STOX1: variants seen among roughly 807,000 people sequenced by gnomAD.
STOX1 encodes storkhead box 1.
Under a neutral mutation model 74.8 loss-of-function variants are expected in STOX1, and 57 were observed. The observed-to-expected ratio is 0.76, with a 90% CI of 0.62 to 0.95. STOX1 has a LOEUF of 0.95. Among genes scored for constraint, STOX1 ranks in the 40% least tolerant of loss-of-function variants. The probability of loss-of-function intolerance (pLI) is 0.00; values close to 1 mark genes in which losing one functional copy is unlikely to be tolerated. For synonymous variants in STOX1, 375 were observed against 401.3 expected, an observed-to-expected ratio of 0.93 and a Z score of 0.78; for missense variants, 1,010 against 1,117.0, an observed-to-expected ratio of 0.90 and a Z score of 1.37.
In STOX1 at chr10:68,846,119, T is replaced by A. The variant is rs865860782; in HGVS notation, c.310+18186T>A. On this transcript the variant is annotated intron_variant, in intron 1 of 3. Coordinates refer to ENST00000298596, the MANE Select transcript of STOX1 (RefSeq NM_152709.5). Reference sequence around the variant, plus strand: ...GTGGTACAAGTTATGGCTTGAGGTTTTTATTATTATTATTATTATTATTAT... The same window carrying A: ...GTGGTACAAGTTATGGCTTGAGGTTATTATTATTATTATTATTATTATTAT... 7.3e-4 allele frequency among the ~76,000 whole-genome samples: 99 copies of A among 135,838 alleles called. 1 individual carries two copies. Among genetic ancestry groups the A allele is most frequent in the Middle Eastern group, 3.8e-3 (1 of 260 alleles). The allele number at this position is 135,838 out of a possible 152,430, so 89.1% of individuals were successfully genotyped here. A position where few individuals can be genotyped will look rare whatever the true frequency, so the allele number is the denominator to read the frequency against.
chr10:68,863,060 A>G (rs747113057), intron 1 of STOX1, among the ~76,000 whole-genome samples: 38 of 152,076 alleles, frequency 2.5e-4, no homozygotes, highest in Non-Finnish European at 5.4e-4. Context: ...TTTCCCAAAC[A>G]GATAGGCCGA....
At chr10:68,846,116 G>GTTTTTT (rs869245499) in intron 1 of STOX1, among the ~76,000 whole-genome samples, 65 of 93,798 alleles carry the variant, frequency 6.9e-4, no homozygotes, top group Admixed American at 2.1e-3. Context: ...ATGGCTTGAG[G>GTTTTTT]TTTTTATTAT....
chr10:68,830,417 A>G (rs1222670582), intron 1 of STOX1, among the ~76,000 whole-genome samples: 4 of 152,094 alleles, frequency 2.6e-5, no homozygotes, highest in Non-Finnish European at 5.9e-5. Context: ...ATCTTGGCTC[A>G]CTGCAACCTC....
Position 68,827,551 on chromosome 10 carries a change from C to T in STOX1, c.-73C>T. 2.0e-6 allele frequency: 2 copies of T among 1,011,586 alleles called. No individual in the cohort carries two copies. The highest frequency in any genetic ancestry group is 2.4e-6 in the Non-Finnish European group (2 of 826,654). The allele number at this position is 1,011,586 out of a possible 1,614,324, so 62.7% of individuals were successfully genotyped here. A position where few individuals can be genotyped will look rare whatever the true frequency, so the allele number is the denominator to read the frequency against. On this transcript the variant is annotated 5_prime_UTR_variant, in exon 1 of 4. Coordinates refer to ENST00000298596, the MANE Select transcript of STOX1 (RefSeq NM_152709.5). ...CGCGCGCAGTCGGCCGATCCTCCCG[C>T]CGAGCGAGCGGCGTCGTAGCCGCCG...
intron 1 of STOX1, among the ~76,000 whole-genome samples, chr10:68,863,579 T>G (rs115768389): frequency 0.015 from 2,324 of 152,240 alleles, 68 homozygotes; most frequent in African/African-American, 0.053. Context: ...CATTAGATAT[T>G]GCAGTACCAA....
intron 1 of STOX1, among the ~76,000 whole-genome samples, chr10:68,864,800 G>T (rs2133567407): frequency 6.6e-6 from 1 of 152,358 alleles, no homozygotes; most frequent in Non-Finnish European, 1.5e-5. Context: ...CCAAGGGCTT[G>T]TGAGACTAGG....
intron 1 of STOX1, among the ~76,000 whole-genome samples, chr10:68,872,853 C>A (rs1840568491): frequency 6.6e-6 from 1 of 151,870 alleles, no homozygotes; most frequent in Non-Finnish European, 1.5e-5. Flanking sequence ...CAAGAGCAGA[C>A]CCTCTTGGAA....
At chr10:68,835,202 C>G (rs57841642) in intron 1 of STOX1, among the ~76,000 whole-genome samples, 1 of 151,386 alleles carries the variant, frequency 6.6e-6, no homozygotes, top group Non-Finnish European at 1.5e-5. Flanking sequence ...CCACCATGCG[C>G]GGCTAATTTT....
chr10:68,863,282 T>A (rs577263542), intron 1 of STOX1, among the ~76,000 whole-genome samples: 1 of 152,106 alleles, frequency 6.6e-6, no homozygotes, highest in Non-Finnish European at 1.5e-5. Flanking sequence ...GCTGAAGGAA[T>A]ACTCACGGCA....
Position 68,884,775 on chromosome 10 carries a change from A to G in STOX1, c.979A>G (p.Lys327Glu). ...WRSLSRKEKP[K>E]TEHSSFSAQF... ...CAGCTTATCTAGAAAGGAGAAGCCC[A>G]AAACAGAACACAGCAGTTTCTCTGC... Residue 327 changes from lysine (K) to glutamate (E), a missense_variant, in exon 3 of 4, where the codon AAA becomes GAA. Coordinates refer to ENST00000298596, the MANE Select transcript of STOX1 (RefSeq NM_152709.5). 1 of 1,614,254 alleles carries G rather than the reference A, an allele frequency of 6.2e-7. No individual in the cohort carries two copies. Among genetic ancestry groups the G allele is most frequent in the Non-Finnish European group, 8.5e-7 (1 of 1,180,040 alleles).
chr10:68,894,142 C>T (rs1344610369), downstream of STOX1, among the ~76,000 whole-genome samples: 2 of 151,924 alleles, frequency 1.3e-5, no homozygotes, highest in Non-Finnish European at 2.9e-5. Context: ...TTACTGCAAC[C>T]TCTGCCTCCC....
At chr10:68,868,063 TCTCCAAC>T (rs1840451738) in intron 1 of STOX1, among the ~76,000 whole-genome samples, 1 of 152,190 alleles carries the variant, frequency 6.6e-6, no homozygotes. Flanking sequence ...AGTTCCACGT[TCTCCAAC>T]CGTCGCTCTG....
intron 1 of STOX1, among the ~76,000 whole-genome samples, chr10:68,845,347 C>G (rs573309663): frequency 2.4e-4 from 36 of 148,204 alleles, no homozygotes; most frequent in African/African-American, 9.0e-4. Flanking sequence ...CATCTTGGCT[C>G]ACTGCAACCT....
At chr10:68,877,975 G>C (rs567281365) in intron 1 of STOX1, among the ~76,000 whole-genome samples, 4 of 152,162 alleles carry the variant, frequency 2.6e-5, no homozygotes, top group Non-Finnish European at 4.4e-5. Flanking sequence ...CTGCCTTGGG[G>C]AAGAAGGATT....
chr10:68,834,331 C>T (rs1217706884), intron 1 of STOX1, among the ~76,000 whole-genome samples: 2 of 152,156 alleles, frequency 1.3e-5, no homozygotes, highest in Admixed American at 1.3e-4. Flanking sequence ...CTAGGGTACT[C>T]GGTGCCTGAT....
chr10:68,883,785 A>G (rs1171421487), intron 2 of STOX1, among the ~76,000 whole-genome samples: 2 of 113,370 alleles, frequency 1.8e-5, no homozygotes, highest in Non-Finnish European at 3.5e-5. Context: ...TTTTTTTGAG[A>G]CAGGGTCTTG....
In STOX1 at chr10:68,884,183, C is replaced by G; in HGVS notation, c.464-77C>G. On this transcript the variant is annotated intron_variant, in intron 2 of 3. Transcript: ENST00000298596. The stretch of plus-strand genomic sequence containing the variant: ...TGGGTTTATCAAGCCAATGTGTAGT[C>G]ATTTCAGAGTTACTGATTTCACTCA... The G allele has an allele frequency of 2.3e-6, 3 of 1,294,854 alleles. No individual in the cohort carries two copies. The South Asian group carries it at 3.6e-5, about 16-fold the overall frequency. The allele number at this position is 1,294,854 out of a possible 1,614,324, so 80.2% of individuals were successfully genotyped here. A position where few individuals can be genotyped will look rare whatever the true frequency, so the allele number is the denominator to read the frequency against.
At chr10:68,891,551 C>T (rs1359126350) in intron 3 of STOX1, among the ~76,000 whole-genome samples, 1 of 152,124 alleles carries the variant, frequency 6.6e-6, no homozygotes, top group Non-Finnish European at 1.5e-5. Context: ...CGCCTGTAAT[C>T]CTAGCACTTT....
At chr10:68,869,001 A>G (rs1589230029) in intron 1 of STOX1, among the ~76,000 whole-genome samples, 1 of 152,344 alleles carries the variant, frequency 6.6e-6, no homozygotes, top group East Asian at 1.9e-4. Flanking sequence ...ATGTGAGCCC[A>G]GGTCTACCTG....
Sources: gnomAD v4.1 joint callset for allele counts (sites outside exome capture counted in the v4.1 genomes callset) on GRCh38, gnomAD v4.1.1 for gene constraint, MANE v1.5 for transcripts, NCBI Gene and HGNC (gene_info 2026-07-23, HGNC 2026-07-21) for gene names.